Variants in TMEM135 observed in about 807,000 individuals in gnomAD.
TMEM135 encodes the protein peroxisomal membrane protein 52.
Under a neutral mutation model 60.3 loss-of-function variants are expected in TMEM135, and 30 were observed. The observed-to-expected ratio is 0.50, with a 90% confidence interval of 0.37 to 0.68. The LOEUF is 0.68. Among genes scored for constraint, TMEM135 ranks in the 30% least tolerant of loss-of-function variants. The probability of loss-of-function intolerance (pLI) is 0.00; values close to 1 mark genes in which losing one functional copy is unlikely to be tolerated. For missense variants in TMEM135, 468 were observed against 548.8 expected, an observed-to-expected ratio of 0.85 and a Z score of 1.47; for synonymous variants, 190 against 186.7, an observed-to-expected ratio of 1.02 and a Z score of -0.14.
chr11:87,107,358 G>A (rs971087317), intron 4 of TMEM135, among the ~76,000 whole-genome samples: 14 of 151,930 alleles, frequency 9.2e-5, no homozygotes, highest in African/African-American at 2.7e-4. Flanking sequence ...TTGGTGTGCT[G>A]CACCCATTAA....
chr11:87,161,744 T>A (rs1025796928), intron 5 of TMEM135, among the ~76,000 whole-genome samples: 4 of 152,222 alleles, frequency 2.6e-5, no homozygotes, highest in Admixed American at 2.0e-4. Flanking sequence ...TTTGAATTTT[T>A]AAAATTTTTA....
At chr11:87,176,388 A>G (rs1230619616) in intron 5 of TMEM135, among the ~76,000 whole-genome samples, 1 of 152,152 alleles carries the variant, frequency 6.6e-6, no homozygotes, top group Non-Finnish European at 1.5e-5. Context: ...TGTGTCTTGT[A>G]CAGGCTGCAG....
intron 9 of TMEM135, among the ~76,000 whole-genome samples, chr11:87,308,503 A>T (rs1017127354): frequency 4.6e-5 from 7 of 151,436 alleles, no homozygotes; most frequent in African/African-American, 1.2e-4. Flanking sequence ...ATAGTAATTA[A>T]TTTTTTTTTC....
At chr11:87,079,320 A>C (rs1856937597) in intron 3 of TMEM135, among the ~76,000 whole-genome samples, 1 of 152,136 alleles carries the variant, frequency 6.6e-6, no homozygotes, top group Admixed American at 6.6e-5. Context: ...TTTCTTTTAA[A>C]AGTTGTATAG....
At chr11:87,291,190 C>T (rs145228258) in intron 6 of TMEM135, among the ~76,000 whole-genome samples, 2 of 152,230 alleles carry the variant, frequency 1.3e-5, no homozygotes, top group African/African-American at 4.8e-5. Context: ...TCAACATTAC[C>T]GTTTAATTAG....
intron 6 of TMEM135, among the ~76,000 whole-genome samples, chr11:87,240,110 G>A (rs763014870): frequency 2.5e-4 from 38 of 152,070 alleles, no homozygotes; most frequent in Non-Finnish European, 4.7e-4. Context: ...CTCTACTTCT[G>A]TTCTGGTCAG....
chr11:87,126,190 T>C (rs1937721687), intron 4 of TMEM135, among the ~76,000 whole-genome samples: 1 of 152,170 alleles, frequency 6.6e-6, no homozygotes, highest in Non-Finnish European at 1.5e-5. Flanking sequence ...TGTATTTTAA[T>C]TCACAAAATC....
chr11:87,125,590 T>C lies in TMEM135; in HGVS notation c.397-31751T>C, dbSNP rs117851272. Among the ~76,000 whole-genome samples, 1,469 of 152,294 alleles carry C rather than the reference T, an allele frequency of 9.6e-3. 7 individuals are homozygous for C. The highest frequency in any genetic ancestry group is 0.016 in the Non-Finnish European group (1,104 of 68,020). ...ATGGTATGAAATGAGGTTGGAAAGA[T>C]AGACAAAAGCAGATTATATTTAGGA... On this transcript the variant is annotated intron_variant, in intron 4 of 14. Coordinates refer to ENST00000305494, the MANE Select transcript of TMEM135 (RefSeq NM_022918.4).
chr11:87,147,254 C>G (rs115842779), intron 4 of TMEM135, among the ~76,000 whole-genome samples: 2,879 of 152,150 alleles, frequency 0.019, 81 homozygotes, highest in East Asian at 0.072. Context: ...ACCTGGCAGG[C>G]GAAGGTTGCA....
At chr11:87,137,723 A>G (rs1176678701) in intron 4 of TMEM135, among the ~76,000 whole-genome samples, 1 of 148,404 alleles carries the variant, frequency 6.7e-6, no homozygotes, top group African/African-American at 2.5e-5. Context: ...AGATAGCATG[A>G]TGGGGGAAAA....
In TMEM135 at chr11:87,276,923, C is replaced by T. The variant is rs1239441689; in HGVS notation, c.510-18859C>T. Among the ~76,000 whole-genome samples, 4 of 151,506 alleles carry T rather than the reference C, an allele frequency of 2.6e-5. 1 individual carries two copies. Among genetic ancestry groups the T allele is most frequent in the Admixed American group, 1.3e-4 (2 of 15,242 alleles). On this transcript the variant is annotated intron_variant, in intron 6 of 14. Transcript: ENST00000305494. ...TTGACCTCAGTTGGTCCGCCTGCCT[C>T]GGCCTCCCAAAGTGCTGGGATTACA...
At chr11:87,198,581 T>C (rs555007172) in intron 5 of TMEM135, among the ~76,000 whole-genome samples, 10 of 102,092 alleles carry the variant, frequency 9.8e-5, no homozygotes, top group Admixed American at 8.2e-4. Context: ...TCCGCTCCCC[T>C]CTCTCTCATT....
chr11:87,100,099 G>T (rs986133285), intron 4 of TMEM135, among the ~76,000 whole-genome samples: 1 of 152,058 alleles, frequency 6.6e-6, no homozygotes, highest in Non-Finnish European at 1.5e-5. Flanking sequence ...TTTTGAGGGG[G>T]TACATTTGTC....
At chr11:87,043,809 G>A (rs529275878) in intron 1 of TMEM135, among the ~76,000 whole-genome samples, 34 of 152,128 alleles carry the variant, frequency 2.2e-4, no homozygotes, top group African/African-American at 7.5e-4. Context: ...TTGTTTTTGT[G>A]GCAAATTTAG....
rs181124868 is a variant in TMEM135 at position 87,067,224 on chromosome 11, A to G, written c.142-470A>G. On this transcript the variant is annotated intron_variant, in intron 1 of 14. Coordinates refer to ENST00000305494, the MANE Select transcript of TMEM135 (RefSeq NM_022918.4). Reference sequence around the variant, plus strand: ...TAGTAATATACTATATATATGTAGTATATATATATTTTTTTTTCTTGCCAC... The same window carrying G: ...TAGTAATATACTATATATATGTAGTGTATATATATTTTTTTTTCTTGCCAC... Among the ~76,000 whole-genome samples, 213 of 147,552 alleles carry G rather than the reference A, an allele frequency of 1.4e-3. 1 individual carries two copies. The highest frequency in any genetic ancestry group is 4.1e-3 in the African/African-American group (167 of 40,594).
chr11:87,229,009 A>G (rs538676245), intron 5 of TMEM135, among the ~76,000 whole-genome samples: 2 of 152,290 alleles, frequency 1.3e-5, no homozygotes, highest in East Asian at 3.9e-4. Flanking sequence ...GACCTATAAC[A>G]GGAAACAATA....
At chr11:87,041,532 A>G (rs1949750063) in intron 1 of TMEM135, among the ~76,000 whole-genome samples, 1 of 152,214 alleles carries the variant, frequency 6.6e-6, no homozygotes, top group East Asian at 1.9e-4. Context: ...TACTATCAAT[A>G]TGATCTTTAG....
chr11:87,062,652 A>G (rs1008022869), intron 1 of TMEM135, among the ~76,000 whole-genome samples: 1 of 151,080 alleles, frequency 6.6e-6, no homozygotes, highest in East Asian at 2.0e-4. Context: ...TTTAGTATAG[A>G]TGGGATTTCA....
Position 87,327,383 on chromosome 11 carries a change from A to G in TMEM135, c.*6050A>G. The G allele has an allele frequency of 2.2e-6, 1 of 453,962 alleles. No individual in the cohort carries two copies. The highest frequency in any genetic ancestry group is 4.4e-6 in the Non-Finnish European group (1 of 226,760). 28.1% of individuals were successfully genotyped at this position (453,962 alleles called of 1,614,324 possible). A position where few individuals can be genotyped will look rare whatever the true frequency, so the allele number is the denominator to read the frequency against. On this transcript the variant is annotated 3_prime_UTR_variant, in exon 15 of 15. Coordinates refer to ENST00000305494, the MANE Select transcript of TMEM135 (RefSeq NM_022918.4). ...ATTAAAGATGCCAGGTCAGAAAAATAGAAAGAACCTGCTTCTGTGAGCCAC... is the reference window on the plus strand; with the variant it reads ...ATTAAAGATGCCAGGTCAGAAAAATGGAAAGAACCTGCTTCTGTGAGCCAC...
Sources: allele counts gnomAD v4.1 joint callset (sites outside exome capture counted in the v4.1 genomes callset), GRCh38; gene constraint gnomAD v4.1.1; transcripts MANE v1.5; gene names NCBI Gene and HGNC (gene_info 2026-07-23, HGNC 2026-07-21).